DPYD: variants seen among roughly 807,000 people sequenced by gnomAD.
DPYD encodes dihydropyrimidine dehydrogenase, also known as dihydropyrimidine dehydrogenase [NADP(+)].
In DPYD, 109 loss-of-function variants were observed where a neutral mutation model predicts 116.2. The observed-to-expected ratio is 0.94, with a 90% CI of 0.80 to 1.10. The LOEUF is 1.10. DPYD is among the 50% of genes least tolerant of loss of function. The pLI is 0.00. For missense variants in DPYD, 1,302 were observed against 1,254.5 expected (o/e 1.04, Z -0.57); for synonymous variants, 440 against 432.0 (o/e 1.02, Z -0.23).
intron 15 of DPYD, among the ~76,000 whole-genome samples, chr1:97,380,021 T>A (rs11165851): frequency 0.93 from 142,086 of 152,268 alleles, 67,113 homozygotes; most frequent in East Asian, 1. Flanking sequence ...CCTCAGTCTT[T>A]CTGCTCTGAG....
chr1:97,486,308 G>A (rs2101893284), intron 13 of DPYD, among the ~76,000 whole-genome samples: 1 of 152,160 alleles, frequency 6.6e-6, no homozygotes, highest in Non-Finnish European at 1.5e-5. Context: ...CAGTTTTTAA[G>A]GGCTGAAGAG....
intron 8 of DPYD, among the ~76,000 whole-genome samples, chr1:97,635,588 TAATC>T (rs1239660826): frequency 2.6e-5 from 4 of 152,182 alleles, no homozygotes; most frequent in African/African-American, 7.2e-5. Flanking sequence ...ATGCATTTCT[TAATC>T]AACTAGCATG....
chr1:97,897,073 T>G (rs1020066721), intron 1 of DPYD, among the ~76,000 whole-genome samples: 9 of 151,928 alleles, frequency 5.9e-5, no homozygotes, highest in Admixed American at 2.0e-4. Context: ...TTTCCTTTAA[T>G]ATTTCTTGTA....
rs35728010 is a variant in DPYD, at chr1:97,455,988, G to C, written c.1741-5765C>G. 4.3e-3 allele frequency among the ~76,000 whole-genome samples: 650 copies of C among 151,890 alleles called. 7 individuals carry two copies. The highest frequency in any genetic ancestry group is 0.015 in the African/African-American group (633 of 41,468). On this transcript the variant is annotated intron_variant, in intron 13 of 22. Coordinates refer to ENST00000370192, the MANE Select transcript of DPYD (RefSeq NM_000110.4). ...AAGCAAAAATAGCACTATTATCCTA[G>C]AAATAAAAGATAAATTATCAGAGAA...
chr1:97,539,827 G>A (rs1474965222), intron 12 of DPYD, among the ~76,000 whole-genome samples: 1 of 152,180 alleles, frequency 6.6e-6, no homozygotes, highest in Admixed American at 6.5e-5. Flanking sequence ...TTTAGTTTGT[G>A]TTCTATCTCC....
intron 16 of DPYD, among the ~76,000 whole-genome samples, chr1:97,369,746 A>T (rs150965433): frequency 9.6e-4 from 146 of 152,314 alleles, no homozygotes; most frequent in African/African-American, 3.2e-3. Context: ...GACACCGTTA[A>T]CTAAAATGGA....
chr1:97,148,407 A>G (rs1654789481), intron 20 of DPYD, among the ~76,000 whole-genome samples: 1 of 152,180 alleles, frequency 6.6e-6, no homozygotes. Flanking sequence ...CTTGTGCAGC[A>G]ACCACAATAT....
chr1:97,791,026 G>T (rs1456750311), intron 3 of DPYD, among the ~76,000 whole-genome samples: 1 of 152,108 alleles, frequency 6.6e-6, no homozygotes, highest in Non-Finnish European at 1.5e-5. Context: ...AAGGCAGTTG[G>T]TTCATCCAAA....
chr1:97,679,809 T>C (rs1660339115), intron 7 of DPYD, among the ~76,000 whole-genome samples: 1 of 152,106 alleles, frequency 6.6e-6, no homozygotes, highest in African/African-American at 2.4e-5. Flanking sequence ...TTTTCACTTC[T>C]GGAACCTGCT....
At chr1:97,427,938 C>A (rs1280059049) in intron 14 of DPYD, among the ~76,000 whole-genome samples, 1 of 152,056 alleles carries the variant, frequency 6.6e-6, no homozygotes. Context: ...ATTTTCCAAG[C>A]ATGAGATCCC....
intron 18 of DPYD, among the ~76,000 whole-genome samples, chr1:97,265,834 T>G (rs1298384555): frequency 6.6e-6 from 1 of 152,130 alleles, no homozygotes; most frequent in Admixed American, 6.6e-5. Flanking sequence ...GTTAGAAAAT[T>G]TTGATACTCT....
intron 8 of DPYD, among the ~76,000 whole-genome samples, chr1:97,622,588 A>G (rs1453068190): frequency 6.6e-6 from 1 of 152,178 alleles, no homozygotes; most frequent in East Asian, 1.9e-4. Context: ...TTAGTTAATA[A>G]TAACGTATTA....
intron 12 of DPYD, among the ~76,000 whole-genome samples, chr1:97,526,681 G>GT (rs1346656668): frequency 6.6e-6 from 1 of 152,026 alleles, no homozygotes; most frequent in East Asian, 1.9e-4. Flanking sequence ...GCTACTGGGG[G>GT]TCTGTTCAAG....
chr1:97,430,495 ATT>A (rs1473219561), intron 14 of DPYD, among the ~76,000 whole-genome samples: 1 of 152,072 alleles, frequency 6.6e-6, no homozygotes, highest in South Asian at 2.1e-4. Flanking sequence ...TTTATAGATT[ATT>A]TAGCATGCTT....
At chr1:97,601,848 C>T (rs190419831) in intron 8 of DPYD, among the ~76,000 whole-genome samples, 1 of 151,982 alleles carries the variant, frequency 6.6e-6, no homozygotes, top group African/African-American at 2.4e-5. Context: ...TGGAGTGATT[C>T]AATATAACAC....
chr1:97,424,046 T>A (rs772602183), intron 14 of DPYD, among the ~76,000 whole-genome samples: 21 of 152,114 alleles, frequency 1.4e-4, no homozygotes, highest in South Asian at 6.2e-4. Flanking sequence ...TAGAACTTTC[T>A]TAGTATATAA....
At chr1:97,105,873 T>C (rs565018696) in intron 20 of DPYD, among the ~76,000 whole-genome samples, 1 of 152,036 alleles carries the variant, frequency 6.6e-6, no homozygotes, top group African/African-American at 2.4e-5. Flanking sequence ...TGCCTAGTTG[T>C]AGGAGGAGAA....
At chr1:97,222,638 C>A (rs533931329) in intron 19 of DPYD, among the ~76,000 whole-genome samples, 1 of 152,112 alleles carries the variant, frequency 6.6e-6, no homozygotes, top group South Asian at 2.1e-4. Flanking sequence ...ACTGACACAG[C>A]AATTAGAACA....
intron 20 of DPYD, among the ~76,000 whole-genome samples, chr1:97,118,583 A>G (rs938252856): frequency 2.0e-5 from 3 of 152,172 alleles, no homozygotes; most frequent in African/African-American, 4.8e-5. Flanking sequence ...AAGTGCCTGG[A>G]AACAGCAGTG....
Sources: allele counts gnomAD v4.1 joint callset (sites outside exome capture counted in the v4.1 genomes callset), GRCh38; gene constraint gnomAD v4.1.1; transcripts MANE v1.5; gene names NCBI Gene and HGNC (gene_info 2026-07-23, HGNC 2026-07-21).